Variants in SAMD4A observed in about 807,000 individuals in gnomAD.
SAMD4A encodes the protein sterile alpha motif domain containing 4A, also known as protein Smaug homolog 1.
In SAMD4A, 33 loss-of-function variants were observed where a neutral mutation model predicts 81.3. That is an observed-to-expected ratio of 0.41 (90% CI 0.31 to 0.54). SAMD4A has a LOEUF of 0.54. Among genes scored for constraint, SAMD4A ranks in the 20% least tolerant of loss-of-function variants. SAMD4A has a pLI of 0.37. For missense variants in SAMD4A, 854 were observed against 951.1 expected (o/e 0.90, Z 1.34); for synonymous variants, 389 against 382.1 (o/e 1.02, Z -0.21).
chr14:54,628,450 A>T (rs983894249), intron 2 of SAMD4A, among the ~76,000 whole-genome samples: 7 of 152,154 alleles, frequency 4.6e-5, no homozygotes, highest in African/African-American at 1.7e-4. Context: ...TCTGCATCAG[A>T]TGAAATTGCT....
At chr14:54,779,595 C>T (rs2038948218) in intron 11 of SAMD4A, among the ~76,000 whole-genome samples, 1 of 152,126 alleles carries the variant, frequency 6.6e-6, no homozygotes, top group Admixed American at 6.5e-5. Flanking sequence ...CAGGACTCAT[C>T]CCTCGTTCCT....
intron 9 of SAMD4A, among the ~76,000 whole-genome samples, chr14:54,774,094 A>T (rs1405642720): frequency 6.6e-6 from 1 of 152,230 alleles, no homozygotes; most frequent in Non-Finnish European, 1.5e-5. Flanking sequence ...CTGTGTCCTC[A>T]TCTGCAGCAG....
chr14:54,784,605 G>A lies in SAMD4A; in HGVS notation c.2113G>A (p.Glu705Lys), dbSNP rs906188372. ...GGAGTCGTTGTGCCTCAGTATGACC[G>A]AACACGCCCTGGGAGGTGAGTGTGT... Reference protein sequence around the residue: ...RLESLCLSMTEHALGDGVDRT... With the variant: ...RLESLCLSMTKHALGDGVDRT... The change falls in exon 12 of 13, where the codon GAA (glutamate) becomes AAA (lysine). Residue 705 changes from glutamate (E) to lysine (K), a missense_variant. By Grantham distance (56) the Glu-to-Lys change is moderately conservative. Around this residue, in one of 3 missense-constraint regions of SAMD4A, gnomAD observed 428 missense variants for 471.2 expected, o/e 0.91. Coordinates refer to ENST00000554335, the MANE Select transcript of SAMD4A (RefSeq NM_015589.6). 12 of 1,613,920 alleles carry A rather than the reference G, an allele frequency of 7.4e-6. No homozygotes were observed. Among genetic ancestry groups the A allele is most frequent in the African/African-American group, 2.7e-5 (2 of 74,898 alleles).
rs200235203 is a variant in SAMD4A at position 54,568,111 on chromosome 14, C to G, written c.195C>G (p.Pro65=). Residue 65 remains proline, a splice_region_variant and synonymous_variant, in exon 2 of 13, where the codon CCC becomes CCG. Coordinates refer to ENST00000554335, the MANE Select transcript of SAMD4A (RefSeq NM_015589.6). The part of the protein sequence containing the change: ...LHVLEREANS[P]GIINQWQQES... ...TCCTCGAACGCGAGGCCAACAGCCC[C>G]GGTAAGTGTGCGGCGGCCGCCGCCG... 250 of 1,513,114 alleles carry G rather than the reference C, an allele frequency of 1.7e-4. No homozygotes were observed. The highest frequency in any genetic ancestry group is 2.2e-4 in the Non-Finnish European group (245 of 1,138,910). 93.7% of individuals were successfully genotyped at this position (1,513,114 alleles called of 1,614,324 possible).
chr14:54,717,191 A>G (rs952337467), intron 3 of SAMD4A, among the ~76,000 whole-genome samples: 18 of 152,160 alleles, frequency 1.2e-4, no homozygotes, highest in Admixed American at 5.2e-4. Context: ...CTGTCATCCC[A>G]ACATTTTGGG....
intron 12 of SAMD4A, among the ~76,000 whole-genome samples, chr14:54,785,350 C>G (rs77727038): frequency 6.6e-6 from 1 of 152,248 alleles, no homozygotes; most frequent in East Asian, 1.9e-4. Flanking sequence ...CCCTGGGAGG[C>G]CTTCAGCTCC....
At chr14:54,786,868 C>G (rs1187618235) in intron 12 of SAMD4A, among the ~76,000 whole-genome samples, 1 of 152,172 alleles carries the variant, frequency 6.6e-6, no homozygotes, top group Non-Finnish European at 1.5e-5. Flanking sequence ...CTAATGTTTT[C>G]ATCTTGTTAA....
At chr14:54,612,873 C>T (rs1566547382) in intron 2 of SAMD4A, among the ~76,000 whole-genome samples, 1 of 152,072 alleles carries the variant, frequency 6.6e-6, no homozygotes, top group Non-Finnish European at 1.5e-5. Flanking sequence ...AATCCCAGCA[C>T]TTTGGGAGGC....
intron 2 of SAMD4A, among the ~76,000 whole-genome samples, chr14:54,602,708 A>G (rs958002073): frequency 6.6e-6 from 1 of 152,014 alleles, no homozygotes; most frequent in South Asian, 2.1e-4. Context: ...ATGATGAGTT[A>G]ATGGGTGCAG....
At chr14:54,590,706 T>C (rs1284337501) in intron 2 of SAMD4A, among the ~76,000 whole-genome samples, 1 of 152,140 alleles carries the variant, frequency 6.6e-6, no homozygotes, top group Non-Finnish European at 1.5e-5. Flanking sequence ...GACCTTCCCA[T>C]GAGTGGCATA....
In SAMD4A at chr14:54,650,540, C is replaced by T. The variant is rs533818215; in HGVS notation, c.197-51522C>T. On this transcript the variant is annotated intron_variant, in intron 2 of 12. Transcript: ENST00000554335. Reference sequence around the variant, plus strand: ...GGGTTGGCAGTAGGGAACAGGACTTCCTTCAGACACTCGTGCTTAAGCAGC... The same window carrying T: ...GGGTTGGCAGTAGGGAACAGGACTTTCTTCAGACACTCGTGCTTAAGCAGC... 2.0e-5 allele frequency among the ~76,000 whole-genome samples: 3 copies of T among 152,292 alleles called. No individual in the cohort carries two copies. The South Asian group carries it at 6.2e-4, about 32-fold the overall frequency.
intron 2 of SAMD4A, among the ~76,000 whole-genome samples, chr14:54,628,950 T>C (rs930140286): frequency 2.0e-5 from 3 of 152,136 alleles, no homozygotes; most frequent in Admixed American, 2.0e-4. Flanking sequence ...ACAGGTTGAA[T>C]TGTGTCCTGC....
intron 2 of SAMD4A, among the ~76,000 whole-genome samples, chr14:54,641,651 T>C (rs945075088): frequency 2.6e-5 from 4 of 152,210 alleles, no homozygotes; most frequent in Non-Finnish European, 5.9e-5. Context: ...CAACCCACCA[T>C]TAAGAGGCAA....
chr14:54,730,452 C>T (rs948168273), intron 3 of SAMD4A, among the ~76,000 whole-genome samples: 2 of 152,210 alleles, frequency 1.3e-5, no homozygotes, highest in Admixed American at 6.5e-5. Context: ...AACATCCCGT[C>T]CACCAACCAC....
At chr14:54,773,597 T>G (rs1594927646) in intron 9 of SAMD4A, among the ~76,000 whole-genome samples, 1 of 152,336 alleles carries the variant, frequency 6.6e-6, no homozygotes, top group Non-Finnish European at 1.5e-5. Context: ...CGCCGGCATC[T>G]GCACGTGATG....
chr14:54,658,801 T>C (rs1594779817), intron 2 of SAMD4A, among the ~76,000 whole-genome samples: 1 of 152,230 alleles, frequency 6.6e-6, no homozygotes, highest in Non-Finnish European at 1.5e-5. Context: ...CCTAACGTCC[T>C]TACTCTTCAC....
At chr14:54,757,423 GTGTGT>G (rs2038274401) in intron 6 of SAMD4A, among the ~76,000 whole-genome samples, 1 of 135,432 alleles carries the variant, frequency 7.4e-6, no homozygotes, top group African/African-American at 3.0e-5. Flanking sequence ...GTGTGTGTGT[GTGTGT>G]TTTGTTTTGT....
At chr14:54,687,922 A>G in intron 2 of SAMD4A, 1 of 987,182 alleles carries the variant, frequency 1.0e-6, no homozygotes. Context: ...CTTCTCAGGC[A>G]TCACCCTCTG....
intron 2 of SAMD4A, among the ~76,000 whole-genome samples, chr14:54,608,860 G>A (rs2034284930): frequency 6.6e-6 from 1 of 152,206 alleles, no homozygotes; most frequent in African/African-American, 2.4e-5. Context: ...GTGAGGGCGT[G>A]GAGAAACCAT....
Sources: gnomAD v4.1 joint callset for allele counts (sites outside exome capture counted in the v4.1 genomes callset) on GRCh38, gnomAD v4.1.1 for gene constraint, gnomAD v4.1.1 regional missense constraint, MANE v1.5 for transcripts, NCBI Gene and HGNC (gene_info 2026-07-23, HGNC 2026-07-21) for gene names.